Variants in GSE1 observed in about 807,000 individuals in gnomAD.
GSE1 encodes the protein Gse1 coiled-coil protein, also known as genetic suppressor element 1.
In GSE1, 32 loss-of-function variants were observed where a neutral mutation model predicts 112.6. That is an observed-to-expected ratio of 0.28 (90% CI 0.21 to 0.38). The LOEUF is 0.38. Among genes scored for constraint, GSE1 ranks in the 10% least tolerant of loss-of-function variants. GSE1 has a pLI of 1.00. For missense variants in GSE1, 2,348 were observed against 1,699.2 expected (o/e 1.38, Z -6.71); for synonymous variants, 1,115 against 735.6 (o/e 1.52, Z -8.35).
In GSE1 at chr16:85,519,586, T is replaced by C. The variant is rs368833857; in HGVS notation, c.2465-114328T>C. ...TCATCATCACCATCACCAGTCTCCA[T>C]CATCATCACCTTCACCACCATCATC... On this transcript the variant is annotated intron_variant, in intron 2 of 2. Coordinates refer to the GSE1 transcript ENST00000637419. 5.8e-4 allele frequency among the ~76,000 whole-genome samples: 61 copies of C among 105,398 alleles called. 1 individual carries two copies. Among genetic ancestry groups the C allele is most frequent in the East Asian group, 2.4e-3 (8 of 3,380 alleles). The allele number at this position is 105,398 out of a possible 152,430, so 69.1% of individuals were successfully genotyped here.
At chr16:85,587,093 T>C (rs748812726) in intron 1 of GSE1, among the ~76,000 whole-genome samples, 31 of 149,938 alleles carry the variant, frequency 2.1e-4, no homozygotes, top group Non-Finnish European at 2.5e-4. Flanking sequence ...GAGACAATAG[T>C]AGGATGGGCC....
At chr16:85,459,557 G>T (rs958609677) in intron 2 of GSE1, among the ~76,000 whole-genome samples, 13 of 152,198 alleles carry the variant, frequency 8.5e-5, no homozygotes, top group African/African-American at 3.1e-4. Context: ...TTTCACTCCA[G>T]AGAGACCAGG....
chr16:85,346,523 G>T (rs2046742980), intron 1 of GSE1, among the ~76,000 whole-genome samples: 1 of 151,302 alleles, frequency 6.6e-6, no homozygotes, highest in Non-Finnish European at 1.5e-5. Context: ...GATGGATGGT[G>T]GATGGGTGGA....
rs1002428004 is a variant in GSE1 at position 85,672,619 on chromosome 16, C to T, written c.*80C>T. The T allele has an allele frequency of 1.9e-6, 2 of 1,025,860 alleles. No homozygotes were observed. Among genetic ancestry groups the T allele is most frequent in the South Asian group, 4.8e-5 (2 of 41,304 alleles). 63.5% of individuals were successfully genotyped at this position (1,025,860 alleles called of 1,614,324 possible). On this transcript the variant is annotated 3_prime_UTR_variant, in exon 16 of 16. Coordinates refer to ENST00000253458, the MANE Select transcript of GSE1 (RefSeq NM_014615.5). ...TACCTTGAATATTTAATATTTTTCACTGGGAGGTTTGAAGCTTACAAAATG... is the reference window on the plus strand; with the variant it reads ...TACCTTGAATATTTAATATTTTTCATTGGGAGGTTTGAAGCTTACAAAATG...
At chr16:85,404,461 C>G (rs1483878312) in intron 2 of GSE1, among the ~76,000 whole-genome samples, 3 of 33,392 alleles carry the variant, frequency 9.0e-5, no homozygotes, top group Non-Finnish European at 5.4e-5. Context: ...TACACTCAGG[C>G]CCCCCGGATA....
intron 2 of GSE1, among the ~76,000 whole-genome samples, chr16:85,368,125 A>G (rs2151592296): frequency 6.6e-6 from 1 of 152,212 alleles, no homozygotes; most frequent in East Asian, 1.9e-4. Context: ...AAGTGCTGGG[A>G]TTACAGGCGT....
intron 2 of GSE1, among the ~76,000 whole-genome samples, chr16:85,518,704 T>G (rs1317703334): frequency 9.9e-5 from 15 of 152,122 alleles, no homozygotes; most frequent in Non-Finnish European, 4.4e-5. Flanking sequence ...GATGGCCTTG[T>G]TTTAAATCAC....
intron 1 of GSE1, among the ~76,000 whole-genome samples, chr16:85,589,575 AG>A (rs2046880392): frequency 6.6e-6 from 1 of 152,130 alleles, no homozygotes; most frequent in African/African-American, 2.4e-5. Flanking sequence ...ACATTTCTGA[AG>A]CATCGTGCCT....
At chr16:85,442,162 C>T (rs73261106) in intron 2 of GSE1, among the ~76,000 whole-genome samples, 7,710 of 152,284 alleles carry the variant, frequency 0.051, 240 homozygotes, top group African/African-American at 0.085. Context: ...GTCCTGCCGT[C>T]GTTTCAGGCC....
At chr16:85,234,396 C>T (rs893574865) in intron 1 of GSE1, among the ~76,000 whole-genome samples, 4 of 152,144 alleles carry the variant, frequency 2.6e-5, no homozygotes, top group Non-Finnish European at 5.9e-5. Context: ...TTCTCCGGCT[C>T]ATGGAAGGAG....
chr16:85,434,546 G>A (rs1345463218), intron 2 of GSE1, among the ~76,000 whole-genome samples: 2 of 152,160 alleles, frequency 1.3e-5, no homozygotes, highest in South Asian at 2.1e-4. Context: ...GGCTGGTCAC[G>A]GCAGCTCATG....
intron 2 of GSE1, chr16:85,463,143 C>T: frequency 8.1e-6 from 8 of 982,532 alleles, no homozygotes; most frequent in Non-Finnish European, 8.5e-6. Flanking sequence ...CCCAGCTCAC[C>T]GCCCCGTGGA....
intron 2 of GSE1, among the ~76,000 whole-genome samples, chr16:85,411,307 GC>G (rs1555583451): frequency 1.5e-4 from 2 of 13,218 alleles, no homozygotes; most frequent in African/African-American, 5.0e-4. Context: ...TTACACTCAG[GC>G]CCCCCGGATA....
intron 1 of GSE1, among the ~76,000 whole-genome samples, chr16:85,591,244 T>A (rs2046991614): frequency 6.6e-6 from 1 of 152,214 alleles, no homozygotes; most frequent in Non-Finnish European, 1.5e-5. Context: ...TGTCGGGCCC[T>A]CCTGGTTTAT....
chr16:85,189,006 A>G (rs8053120), intron 1 of GSE1, among the ~76,000 whole-genome samples: 41 of 152,304 alleles, frequency 2.7e-4, no homozygotes, highest in African/African-American at 9.1e-4. Context: ...CAGAATGTAA[A>G]CAACCATTGT....
At chr16:85,199,334 CCT>C (rs775180732) in intron 1 of GSE1, among the ~76,000 whole-genome samples, 5 of 152,152 alleles carry the variant, frequency 3.3e-5, no homozygotes, top group Non-Finnish European at 7.4e-5. Context: ...AATCCTCCCG[CCT>C]CAGCCTCCCA....
chr16:85,664,922 G>A (rs2052715114), intron 11 of GSE1, 93 bp from the exon 12 acceptor site: 2 of 838,818 alleles, frequency 2.4e-6, no homozygotes, highest in Admixed American at 3.9e-5. Flanking sequence ...TTAGTGCTTT[G>A]CCTGCCCCTC....
intron 1 of GSE1, among the ~76,000 whole-genome samples, chr16:85,633,395 C>T (rs550644745): frequency 2.6e-5 from 4 of 152,288 alleles, no homozygotes; most frequent in East Asian, 1.9e-4. Context: ...GCAGAACTCC[C>T]GCCAGTCTTC....
chr16:85,188,702 G>C (rs1055143519), intron 1 of GSE1, among the ~76,000 whole-genome samples: 2 of 151,890 alleles, frequency 1.3e-5, no homozygotes, highest in Non-Finnish European at 2.9e-5. Flanking sequence ...GGGGGAGGCT[G>C]AGGCAGGAGG....
Sources: allele counts gnomAD v4.1 joint callset (sites outside exome capture counted in the v4.1 genomes callset), GRCh38; gene constraint gnomAD v4.1.1; transcripts MANE v1.5; gene names NCBI Gene and HGNC (gene_info 2026-07-23, HGNC 2026-07-21).